Variants in CYB5B observed in about 807,000 individuals in gnomAD.
The protein encoded by CYB5B is cytochrome b5 type B.
A neutral mutation model predicts 21.3 loss-of-function variants in CYB5B; 14 were observed. That is an observed-to-expected ratio of 0.66 (90% CI 0.43 to 1.03). The LOEUF is 1.03. CYB5B is among the 50% of genes least tolerant of loss of function. The probability of loss-of-function intolerance (pLI) is 0.00; values close to 1 mark genes in which losing one functional copy is unlikely to be tolerated. For synonymous variants in CYB5B, 69 were observed against 68.4 expected (o/e 1.01, Z -0.04); for missense variants, 166 against 185.1 (o/e 0.90, Z 0.60).
chr16:69,426,829 T>C (rs904100021), intron 1 of CYB5B, among the ~76,000 whole-genome samples: 1 of 151,974 alleles, frequency 6.6e-6, no homozygotes, highest in African/African-American at 2.4e-5. Context: ...ATTTGACAGA[T>C]CCCTTGATTT....
intron 1 of CYB5B, among the ~76,000 whole-genome samples, chr16:69,430,247 G>C (rs1476137194): frequency 6.6e-6 from 1 of 151,600 alleles, no homozygotes; most frequent in Non-Finnish European, 1.5e-5. Flanking sequence ...GAGACAGTCT[G>C]GCTCTGTTGT....
In CYB5B at chr16:69,424,657, A is replaced by C. The variant is rs757348138; in HGVS notation, c.-27A>C. ...GGGCTCTCAAGGAAAGTAGTCGCGG[A>C]ATCTCAGTTAGCGGTGGAGAGGCAG... On this transcript the variant is annotated 5_prime_UTR_variant, in exon 1 of 5. Transcript: ENST00000307892. 9 of 1,504,354 alleles carry C rather than the reference A, an allele frequency of 6.0e-6. No individual in the cohort carries two copies. The highest frequency in any genetic ancestry group is 3.9e-5 in the South Asian group (3 of 77,184). 93.2% of individuals were successfully genotyped at this position (1,504,354 alleles called of 1,614,324 possible). A position where few individuals can be genotyped will look rare whatever the true frequency, so the allele number is the denominator to read the frequency against.
intron 1 of CYB5B, among the ~76,000 whole-genome samples, chr16:69,430,673 CTTTT>C (rs35661961): frequency 3.9e-5 from 5 of 127,614 alleles, no homozygotes; most frequent in Admixed American, 1.6e-4. Flanking sequence ...TATTTTAAAA[CTTTT>C]TTTTTTTTTT....
rs1310162942 is a variant in CYB5B, at chr16:69,464,176, G to C, written c.*1656G>C. 1.3e-5 allele frequency: 2 copies of C among 152,072 alleles called. No homozygotes were observed. The highest frequency in any genetic ancestry group is 2.9e-5 in the Non-Finnish European group (2 of 68,020). The allele number at this position is 152,072 out of a possible 1,614,324, so 9.4% of individuals were successfully genotyped here. A position where few individuals can be genotyped will look rare whatever the true frequency, so the allele number is the denominator to read the frequency against. On this transcript the variant is annotated 3_prime_UTR_variant, in exon 5 of 5. Transcript: ENST00000307892. ...ACTATTTAAGAAAAAGTTCAACCCA[G>C]GTCTTGTATCCTGTGATTTAGCAGT...
At chr16:69,436,925 C>T (rs1002958344) in intron 1 of CYB5B, among the ~76,000 whole-genome samples, 4 of 152,176 alleles carry the variant, frequency 2.6e-5, no homozygotes, top group Non-Finnish European at 4.4e-5. Context: ...GTATTATTTT[C>T]CATAAGGAAT....
intron 2 of CYB5B, 145 bp downstream of exon 2, chr16:69,447,423 C>CT (rs2142820685): frequency 8.9e-7 from 1 of 1,126,772 alleles, no homozygotes; most frequent in East Asian, 2.7e-5. Context: ...AGGCGGATCA[C>CT]TTGAGGTCAG....
At chr16:69,445,294 A>C (rs963826607) in intron 1 of CYB5B, among the ~76,000 whole-genome samples, 1 of 152,222 alleles carries the variant, frequency 6.6e-6, no homozygotes, top group African/African-American at 2.4e-5. Flanking sequence ...GTAAAATAGC[A>C]TTCTTAAATA....
In CYB5B at chr16:69,463,765, TTC is replaced by T. The variant is rs2015059448; in HGVS notation, c.*1247_*1248del. The stretch of plus-strand genomic sequence containing the variant: ...TCCGTGACTCCAACTTGTGGGTTTG[TTC>T]TGTTTTTCCATGAGAATAAAATACT... On this transcript the variant is annotated 3_prime_UTR_variant, in exon 5 of 5. Coordinates refer to ENST00000307892, the MANE Select transcript of CYB5B (RefSeq NM_030579.3). The T allele has an allele frequency of 6.6e-6, 1 of 152,236 alleles. No homozygotes were observed. Among genetic ancestry groups the T allele is most frequent in the African/African-American group, 2.4e-5 (1 of 41,472 alleles). The allele number at this position is 152,236 out of a possible 1,614,324, so 9.4% of individuals were successfully genotyped here.
At chr16:69,445,882 G>T (rs1567473130) in intron 1 of CYB5B, among the ~76,000 whole-genome samples, 1 of 152,130 alleles carries the variant, frequency 6.6e-6, no homozygotes, top group Non-Finnish European at 1.5e-5. Flanking sequence ...CTTGAACCCG[G>T]GTGGCAGAGG....
intron 3 of CYB5B, among the ~76,000 whole-genome samples, 189 bp from the exon 4 acceptor site, chr16:69,458,904 T>C (rs530159272): frequency 1.3e-5 from 2 of 152,238 alleles, no homozygotes; most frequent in South Asian, 2.1e-4. Context: ...AGTGCCAGTA[T>C]GTTATCAGAA....
chr16:69,433,283 T>G (rs2014724898), intron 1 of CYB5B, among the ~76,000 whole-genome samples: 1 of 152,202 alleles, frequency 6.6e-6, no homozygotes, highest in South Asian at 2.1e-4. Flanking sequence ...TTTTTTTCAT[T>G]TTTTAAGTAG....
At chr16:69,434,862 C>A (rs944276438) in intron 1 of CYB5B, among the ~76,000 whole-genome samples, 3,477 of 116,490 alleles carry the variant, frequency 0.03, 51 homozygotes, top group Non-Finnish European at 0.039. Flanking sequence ...GACTTCATCT[C>A]AAAAAAAAAA....
chr16:69,459,419 G>T (rs776534244), intron 4 of CYB5B: 11 of 290,392 alleles, frequency 3.8e-5, no homozygotes, highest in Non-Finnish European at 7.0e-5. Flanking sequence ...AGCTACTATT[G>T]GGTCAGCCTT....
intron 4 of CYB5B, among the ~76,000 whole-genome samples, chr16:69,460,264 C>T (rs1247287592): frequency 6.6e-6 from 1 of 151,890 alleles, no homozygotes; most frequent in African/African-American, 2.4e-5. Context: ...TATGCTTATG[C>T]TATAAAACTT....
At chr16:69,460,686 A>G (rs572344145) in intron 4 of CYB5B, among the ~76,000 whole-genome samples, 1 of 152,318 alleles carries the variant, frequency 6.6e-6, no homozygotes, top group East Asian at 1.9e-4. Context: ...CTTGATAGAA[A>G]TGTGTGCCCA....
At chr16:69,428,180 A>G (rs1597278476) in intron 1 of CYB5B, among the ~76,000 whole-genome samples, 1 of 152,254 alleles carries the variant, frequency 6.6e-6, no homozygotes, top group East Asian at 1.9e-4. Flanking sequence ...CTATTCATTC[A>G]TTCACTTATT....
chr16:69,439,992 C>T (rs1474153400), intron 1 of CYB5B, among the ~76,000 whole-genome samples: 1 of 152,148 alleles, frequency 6.6e-6, no homozygotes, highest in Non-Finnish European at 1.5e-5. Flanking sequence ...CCTCAGCCTC[C>T]CAAGTAGCTG....
At chr16:69,428,978 T>C (rs999289637) in intron 1 of CYB5B, among the ~76,000 whole-genome samples, 1 of 152,198 alleles carries the variant, frequency 6.6e-6, no homozygotes, top group African/African-American at 2.4e-5. Context: ...CATGTACAAC[T>C]TCACAGGTTT....
chr16:69,438,744 C>A (rs2014788182), intron 1 of CYB5B, among the ~76,000 whole-genome samples: 1 of 152,000 alleles, frequency 6.6e-6, no homozygotes, highest in Admixed American at 6.6e-5. Flanking sequence ...AGTTCTTTGC[C>A]TTTTTGTAAA....
Sources: allele counts gnomAD v4.1 joint callset (sites outside exome capture counted in the v4.1 genomes callset), GRCh38; gene constraint gnomAD v4.1.1; transcripts MANE v1.5; gene names NCBI Gene and HGNC (gene_info 2026-07-23, HGNC 2026-07-21).